The following ZFC3H1 variants were observed in gnomAD, a reference collection of about 807,000 sequenced individuals.
The protein encoded by ZFC3H1 is zinc finger C3H1 domain-containing protein.
A neutral mutation model predicts 243.7 loss-of-function variants in ZFC3H1; 71 were observed. That is an observed-to-expected ratio of 0.29 (90% CI 0.24 to 0.36). ZFC3H1 has a LOEUF of 0.36. ZFC3H1 is among the 10% of genes least tolerant of loss of function. The pLI, the probability that ZFC3H1 is intolerant of heterozygous loss-of-function variation, is 1.00. For missense variants in ZFC3H1, 1,966 were observed against 2,317.1 expected (o/e 0.85, Z 3.11); for synonymous variants, 838 against 813.0 (o/e 1.03, Z -0.52).
intron 32 of ZFC3H1, 178 bp from the exon 33 acceptor site, chr12:71,611,275 AT>A: frequency 2.0e-6 from 1 of 506,066 alleles, no homozygotes; most frequent in Non-Finnish European, 3.1e-6. Context: ...GAAAAGAAAA[AT>A]TCAACAATTT....
chr12:71,611,683 A>G, intron 32 of ZFC3H1, 103 bp downstream of exon 32: 1 of 193,638 alleles, frequency 5.2e-6, no homozygotes, highest in Non-Finnish European at 9.7e-6. Flanking sequence ...AAAAATATAT[A>G]TATATATATA....
At chr12:71,621,511 C>T (rs113885552) in intron 24 of ZFC3H1, among the ~76,000 whole-genome samples, 8,841 of 152,058 alleles carry the variant, frequency 0.058, 360 homozygotes, top group South Asian at 0.087. Flanking sequence ...ACCACGTTGG[C>T]CAGGCTGGTC....
chr12:71,663,007 G>A lies in ZFC3H1; in HGVS notation c.598+6C>T. 6.3e-7 allele frequency: 1 copy of A among 1,593,150 alleles called. No individual in the cohort carries two copies. The highest frequency in any genetic ancestry group is 1.1e-5 in the South Asian group (1 of 90,334). On this transcript the variant is annotated splice_donor_region_variant and intron_variant, in intron 1 of 34. Coordinates refer to ENST00000378743, the MANE Select transcript of ZFC3H1 (RefSeq NM_144982.5). The stretch of plus-strand genomic sequence containing the variant: ...CACCCAGCGCCGACCGCCACGTTAA[G>A]GATACAGCTCTTCCGAGGTGGAGAG...
rs191604381 is a variant in ZFC3H1 at position 71,629,826 on chromosome 12, A to T, written c.3725-116T>A. The T allele has an allele frequency of 5.8e-5, 37 of 642,328 alleles. No individual in the cohort carries two copies. In the East Asian group the frequency reaches 8.7e-4, roughly 15 times the overall value. 39.8% of individuals were successfully genotyped at this position (642,328 alleles called of 1,614,324 possible). On this transcript the variant is annotated intron_variant, in intron 18 of 34. Transcript: ENST00000378743. ...AAAGGCGATTATATGGTACTAGTCAATAACACCTATGGCATTTGAAAGGGC... is the reference window on the plus strand; with the variant it reads ...AAAGGCGATTATATGGTACTAGTCATTAACACCTATGGCATTTGAAAGGGC...
At position 71,633,356 on chromosome 12, in the gene ZFC3H1, C is replaced by T; in HGVS notation, c.2593G>A (p.Glu865Lys). 6.2e-7 allele frequency: 1 copy of T among 1,601,948 alleles called. No individual in the cohort carries two copies. Among genetic ancestry groups the T allele is most frequent in the South Asian group, 1.1e-5 (1 of 88,826 alleles). ...AKKKESVRNAEAKITKLTEQL... is the reference protein window; with the variant it reads ...AKKKESVRNAKAKITKLTEQL... ...TCTGTAAGTTTTGTAATCTTTGCTT[C>T]AGCATTTCTAACAGATTCTTTCTTC... Residue 865 changes from glutamate to lysine, a missense_variant, in exon 13 of 35, where the codon GAA (glutamate) becomes AAA (lysine). Around this residue, in one of 4 missense-constraint regions of ZFC3H1, gnomAD observed 1,383 missense variants for 1,723.7 expected, o/e 0.80. Transcript: ENST00000378743.
At position 71,614,522 on chromosome 12, in the gene ZFC3H1, T is replaced by C. The variant is rs772181433; in HGVS notation, c.5526+13A>G. The C allele has an allele frequency of 1.3e-6, 2 of 1,542,392 alleles. No individual in the cohort carries two copies. The highest frequency in any genetic ancestry group is 1.7e-6 in the Non-Finnish European group (2 of 1,151,194). On this transcript the variant is annotated intron_variant, in intron 30 of 34. Transcript: ENST00000378743. ...TACACAAATATCTAAAGAAAAAAGT[T>C]TTGAGTTCTTACCCTATTATGAAAT... is the stretch of plus-strand genomic sequence containing the variant.
chr12:71,619,471 G>A (rs1187979708), intron 26 of ZFC3H1, 62 bp from the exon 27 acceptor site: 30 of 1,496,164 alleles, frequency 2.0e-5, no homozygotes, highest in East Asian at 7.0e-5. Context: ...AAAATGTCAC[G>A]AGGGAGAAAA....
chr12:71,632,547 T>A (rs1292195326), intron 14 of ZFC3H1, 33 bp from the exon 15 acceptor site: 1 of 1,516,026 alleles, frequency 6.6e-7, no homozygotes. Context: ...GTATTTTACA[T>A]CACTGTGATT....
intron 16 of ZFC3H1, 100 bp from the exon 17 acceptor site, chr12:71,631,054 C>T: frequency 8.0e-7 from 1 of 1,257,680 alleles, no homozygotes; most frequent in East Asian, 2.5e-5. Flanking sequence ...AATTTCCATG[C>T]TTACTATTTA....
chr12:71,613,386 G>T lies in ZFC3H1; in HGVS notation c.5576C>A (p.Thr1859Asn). The T allele has an allele frequency of 6.2e-7, 1 of 1,609,890 alleles. No individual in the cohort carries two copies. The highest frequency in any genetic ancestry group is 1.1e-5 in the South Asian group (1 of 90,484). Residue 1859 changes from threonine (T) to asparagine (N), a missense_variant, in exon 31 of 35, where the codon ACC (threonine) becomes AAC (asparagine). Around this residue, in one of 4 missense-constraint regions of ZFC3H1, gnomAD observed 1,383 missense variants for 1,723.7 expected, o/e 0.80. Coordinates refer to ENST00000378743, the MANE Select transcript of ZFC3H1 (RefSeq NM_144982.5). ...SCVPKTQHSK[T>N]LERFCSVMPA... ...CATAACTGAACAAAACCGTTCCAAG[G>T]TTTTGGAATGCTGGGTCTTTGGAAC...
intron 14 of ZFC3H1, 26 bp downstream of exon 14, chr12:71,632,860 G>C (rs1278442154): frequency 1.2e-6 from 2 of 1,602,220 alleles, no homozygotes; most frequent in Non-Finnish European, 1.7e-6. Flanking sequence ...CTTTCCAAAA[G>C]TAAAATATTT....
At chr12:71,621,373 G>A (rs1007940067) in intron 24 of ZFC3H1, among the ~76,000 whole-genome samples, 6 of 150,630 alleles carry the variant, frequency 4.0e-5, no homozygotes. Flanking sequence ...GCACGACCTC[G>A]GCTCACTGCA....
intron 3 of ZFC3H1, among the ~76,000 whole-genome samples, chr12:71,646,074 TA>T (rs1338792134): frequency 7.2e-5 from 11 of 152,190 alleles, no homozygotes; most frequent in African/African-American, 2.4e-4. Context: ...TATTTTCTCC[TA>T]AAATCCAATT....
Position 71,632,866 on chromosome 12 carries a change from T to C in ZFC3H1, c.2817+20A>G, listed in dbSNP as rs748441132. 6.2e-7 allele frequency: 1 copy of C among 1,603,866 alleles called. No individual in the cohort carries two copies. Among genetic ancestry groups the C allele is most frequent in the South Asian group, 1.1e-5 (1 of 88,398 alleles). ...AACTTTCTGCTTTCCAAAAGTAAAA[T>C]ATTTCTATAAAACCCTCACCCCAAA... On this transcript the variant is annotated intron_variant, in intron 14 of 34. Transcript: ENST00000378743.
At chr12:71,631,652 G>C (rs1880325894) in intron 16 of ZFC3H1, 126 bp downstream of exon 16, 2 of 788,958 alleles carry the variant, frequency 2.5e-6, no homozygotes, top group Admixed American at 3.3e-5. Flanking sequence ...TTCCTTAAAA[G>C]GGTAAGTCTG....
chr12:71,612,831 C>A (rs929983424), intron 31 of ZFC3H1, among the ~76,000 whole-genome samples: 2 of 151,444 alleles, frequency 1.3e-5, no homozygotes, highest in African/African-American at 4.9e-5. Context: ...CAAAGAAAGG[C>A]TGAGAAATCT....
chr12:71,639,010 G>C (rs559533299), intron 6 of ZFC3H1, among the ~76,000 whole-genome samples: 2 of 152,196 alleles, frequency 1.3e-5, no homozygotes, highest in Admixed American at 6.5e-5. Flanking sequence ...ATAAAACTAG[G>C]AATGAGAAGA....
intron 18 of ZFC3H1, 63 bp downstream of exon 18, chr12:71,630,537 T>C (rs1381173196): frequency 7.7e-6 from 12 of 1,559,800 alleles, no homozygotes; most frequent in Admixed American, 4.0e-5. Flanking sequence ...ACAACTAATA[T>C]AGAATTTTTA....
intron 7 of ZFC3H1, among the ~76,000 whole-genome samples, chr12:71,637,779 C>T (rs1036530781): frequency 7.2e-5 from 11 of 152,096 alleles, no homozygotes; most frequent in Non-Finnish European, 1.2e-4. Context: ...TTTCCTGAAA[C>T]GGAAAAGTTC....
Sources: allele counts gnomAD v4.1 joint callset (sites outside exome capture counted in the v4.1 genomes callset), GRCh38; gene constraint gnomAD v4.1.1; regional missense constraint gnomAD v4.1.1; transcripts MANE v1.5; gene names NCBI Gene and HGNC (gene_info 2026-07-23, HGNC 2026-07-21).